Variants in MYO3B observed in about 807,000 individuals in gnomAD.
The protein encoded by MYO3B is myosin-IIIb.
In MYO3B, 156 loss-of-function variants were observed where a neutral mutation model predicts 174.6. That is an observed-to-expected ratio of 0.89 (90% CI 0.78 to 1.02). MYO3B has a LOEUF of 1.02. Ranked by LOEUF, MYO3B falls within the 50% of genes least tolerant of loss-of-function variation. The probability of loss-of-function intolerance (pLI) is 0.00; values close to 1 mark genes in which losing one functional copy is unlikely to be tolerated. For synonymous variants in MYO3B, 563 were observed against 569.1 expected, an observed-to-expected ratio of 0.99 and a Z score of 0.15; for missense variants, 1,632 against 1,639.4, an observed-to-expected ratio of 1.00 and a Z score of 0.08.
At chr2:170,536,378 C>T (rs1021888797) in intron 30 of MYO3B, among the ~76,000 whole-genome samples, 2 of 152,150 alleles carry the variant, frequency 1.3e-5, no homozygotes, top group East Asian at 1.9e-4. Flanking sequence ...AACAAATATC[C>T]ATATATTTAG....
chr2:170,258,983 T>G (rs964675659), intron 7 of MYO3B, among the ~76,000 whole-genome samples: 1 of 151,984 alleles, frequency 6.6e-6, no homozygotes, highest in Non-Finnish European at 1.5e-5. Context: ...ACACACAACC[T>G]AGGAATTCAT....
chr2:170,540,921 G>A (rs916429843), intron 30 of MYO3B, among the ~76,000 whole-genome samples: 1 of 151,962 alleles, frequency 6.6e-6, no homozygotes, highest in African/African-American at 2.4e-5. Context: ...AAAGCCTCTC[G>A]GGAAAGAAAC....
Position 170,568,210 on chromosome 2 carries a change from G to A in MYO3B, c.3733+24222G>A, listed in dbSNP as rs150336268. The stretch of plus-strand genomic sequence containing the variant: ...CAAAACCCCTGAATTCCAATAAGAA[G>A]GGGTATGTAAAGTTATCTTATGTCT... On this transcript the variant is annotated intron_variant, in intron 32 of 34. Transcript: ENST00000408978. Among the ~76,000 whole-genome samples the A allele has an allele frequency of 2.8e-4, 43 of 152,332 alleles. 1 individual carries two copies. The East Asian group carries it at 7.9e-3, about 28-fold the overall frequency.
At chr2:170,601,673 C>A in intron 32 of MYO3B, 1 of 1,478,110 alleles carries the variant, frequency 6.8e-7, no homozygotes, top group Non-Finnish European at 9.4e-7. Flanking sequence ...TCCTCCTCTT[C>A]CTTCTTTTTC....
chr2:170,358,955 CT>C (rs752133745), intron 8 of MYO3B, among the ~76,000 whole-genome samples: 6 of 152,194 alleles, frequency 3.9e-5, no homozygotes, highest in Non-Finnish European at 8.8e-5. Context: ...CCCTTGTCAT[CT>C]TATTCCACCT....
chr2:170,447,251 C>T (rs1330874958), intron 23 of MYO3B, among the ~76,000 whole-genome samples: 1 of 152,204 alleles, frequency 6.6e-6, no homozygotes, highest in African/African-American at 2.4e-5. Context: ...ACTGCACAGT[C>T]AGTTTTCAAT....
intron 19 of MYO3B, 104 bp from the exon 20 acceptor site, chr2:170,404,143 A>G (rs1298809838): frequency 1.8e-6 from 2 of 1,111,970 alleles, no homozygotes; most frequent in East Asian, 4.8e-5. Flanking sequence ...CCTGCTTTCC[A>G]CATGCATTCA....
At chr2:170,465,433 C>T (rs1254450877) in intron 24 of MYO3B, among the ~76,000 whole-genome samples, 1 of 152,142 alleles carries the variant, frequency 6.6e-6, no homozygotes, top group African/African-American at 2.4e-5. Context: ...CAGCACCAAG[C>T]CATTCATGAG....
intron 32 of MYO3B, among the ~76,000 whole-genome samples, chr2:170,598,540 C>CT (rs1203690812): frequency 2.0e-5 from 3 of 152,224 alleles, no homozygotes; most frequent in Non-Finnish European, 4.4e-5. Context: ...GGGAATCCAG[C>CT]TATCCTGTGT....
At chr2:170,494,271 A>C (rs992814900) in intron 25 of MYO3B, among the ~76,000 whole-genome samples, 1 of 152,250 alleles carries the variant, frequency 6.6e-6, no homozygotes, top group Non-Finnish European at 1.5e-5. Flanking sequence ...TCCATGCAAC[A>C]AAACATTTTA....
chr2:170,572,607 CAA>C (rs574487856), intron 32 of MYO3B, among the ~76,000 whole-genome samples: 23 of 123,942 alleles, frequency 1.9e-4, no homozygotes, highest in Admixed American at 2.5e-4. Flanking sequence ...GACCCTATAT[CAA>C]AAAAAAAAAA....
At chr2:170,387,785 A>G (rs1438325974) in intron 14 of MYO3B, among the ~76,000 whole-genome samples, 3 of 152,152 alleles carry the variant, frequency 2.0e-5, no homozygotes, top group Admixed American at 2.0e-4. Flanking sequence ...TCTGATACTC[A>G]CTGTGTGACA....
intron 23 of MYO3B, 23 bp downstream of exon 23, chr2:170,444,069 A>G (rs773635636): frequency 6.9e-6 from 11 of 1,598,570 alleles, no homozygotes; most frequent in Non-Finnish European, 9.4e-6. Context: ...TTTGCACCAA[A>G]TATAGTATGG....
chr2:170,615,034 T>C (rs760035862), intron 32 of MYO3B, among the ~76,000 whole-genome samples: 22 of 152,208 alleles, frequency 1.4e-4, no homozygotes, highest in Non-Finnish European at 2.9e-4. Flanking sequence ...ATGACCTCCC[T>C]GCCTCTCTGT....
Position 170,573,400 on chromosome 2 carries a change from A to C in MYO3B, c.3733+29412A>C, listed in dbSNP as rs1046993812. Among the ~76,000 whole-genome samples, 5 of 152,108 alleles carry C rather than the reference A, an allele frequency of 3.3e-5. 1 individual carries two copies. The highest frequency in any genetic ancestry group is 3.3e-4 in the Admixed American group (5 of 15,266). ...TGATTAATTAAAAATTAATTCTTCCAAAAACAGCTGCATATAGGCCTAAGA... is the reference window on the plus strand; with the variant it reads ...TGATTAATTAAAAATTAATTCTTCCCAAAACAGCTGCATATAGGCCTAAGA... On this transcript the variant is annotated intron_variant, in intron 32 of 34. Transcript: ENST00000408978.
At chr2:170,627,568 G>A (rs566333910) in intron 32 of MYO3B, among the ~76,000 whole-genome samples, 55 of 152,294 alleles carry the variant, frequency 3.6e-4, no homozygotes, top group East Asian at 2.5e-3. Context: ...GTCATTCTCC[G>A]TCCAGCTTTG....
At chr2:170,595,988 T>C (rs1694124177) in intron 32 of MYO3B, among the ~76,000 whole-genome samples, 1 of 152,220 alleles carries the variant, frequency 6.6e-6, no homozygotes, top group East Asian at 1.9e-4. Context: ...TTCAACATTT[T>C]CACCATCTAT....
chr2:170,238,323 A>C lies in MYO3B; in HGVS notation c.749+2187A>C, dbSNP rs190869288. 1.5e-4 allele frequency among the ~76,000 whole-genome samples: 23 copies of C among 152,256 alleles called. No individual in the cohort carries two copies. In the East Asian group the frequency reaches 4.2e-3, roughly 28 times the overall value. Reference sequence around the variant, plus strand: ...TTATTTACCTGTGTGTTTCATTGGAATCGATCTCAGTTCAGTGCCTGTCTG... The same window carrying C: ...TTATTTACCTGTGTGTTTCATTGGACTCGATCTCAGTTCAGTGCCTGTCTG... On this transcript the variant is annotated intron_variant, in intron 7 of 34. Coordinates refer to ENST00000408978, the MANE Select transcript of MYO3B (RefSeq NM_138995.5).
In MYO3B at chr2:170,432,390, CA is replaced by C. The variant is rs555516025; in HGVS notation, c.2651-11570del. 2.1e-3 allele frequency among the ~76,000 whole-genome samples: 322 copies of C among 150,754 alleles called. 2 individuals carry two copies. Among genetic ancestry groups the C allele is most frequent in the Non-Finnish European group, 3.4e-3 (228 of 67,620 alleles). On this transcript the variant is annotated intron_variant, in intron 22 of 34. Coordinates refer to ENST00000408978, the MANE Select transcript of MYO3B (RefSeq NM_138995.5). ...TTTAATTAAAAAATTAAAAAGTAAA[CA>C]AAAAAATCTTAAAAATTTAAAAAGG...
Sources: gnomAD v4.1 joint callset for allele counts (sites outside exome capture counted in the v4.1 genomes callset) on GRCh38, gnomAD v4.1.1 for gene constraint, MANE v1.5 for transcripts, NCBI Gene and HGNC (gene_info 2026-07-23, HGNC 2026-07-21) for gene names.